The following ZNF462 variants were observed in gnomAD, a reference collection of about 807,000 sequenced individuals.
ZNF462 encodes the protein zinc finger protein 462.
Under a neutral mutation model 201.9 loss-of-function variants are expected in ZNF462, and 10 were observed. That is an observed-to-expected ratio of 0.05 (90% CI 0.03 to 0.08). The LOEUF (loss-of-function observed/expected upper bound fraction) is 0.08. Among genes scored for constraint, ZNF462 ranks in the 10% least tolerant of loss-of-function variants. ZNF462 has a pLI of 1.00. For synonymous variants in ZNF462, 1,227 were observed against 1,193.3 expected, an observed-to-expected ratio of 1.03 and a Z score of -0.58; for missense variants, 2,523 against 3,168.3, an observed-to-expected ratio of 0.80 and a Z score of 4.89.
rs1458439321 is a variant in ZNF462 at position 106,925,445 on chromosome 9, C to T, written c.1533C>T (p.Ser511=). The T allele has an allele frequency of 6.2e-7, 1 of 1,614,176 alleles. No homozygotes were observed. Among genetic ancestry groups the T allele is most frequent in the Non-Finnish European group, 8.5e-7 (1 of 1,180,040 alleles). ...ATTCCCAGAGTGAAAGCATTTCTTC[C>T]TCACTGAATGAAGGTGTGGTGTCTT... The part of the protein sequence containing the change: ...AVNSQSESIS[S]SLNEGVVSYE... The change falls in exon 3 of 13, where the codon TCC becomes TCT. Residue 511 remains serine (S), a synonymous_variant. Coordinates refer to ENST00000277225, the MANE Select transcript of ZNF462 (RefSeq NM_021224.6). The surrounding 1 kb of genome is among the most constrained non-coding windows in gnomAD (Gnocchi z 7.9).
At chr9:106,994,926 A>G (rs1828590089) in intron 10 of ZNF462, among the ~76,000 whole-genome samples, 1 of 152,128 alleles carries the variant, frequency 6.6e-6, no homozygotes, top group Non-Finnish European at 1.5e-5. Context: ...TCAAAATCTA[A>G]CCTAGTGCCC....
At chr9:106,983,790 C>A (rs1253807586) in intron 9 of ZNF462, among the ~76,000 whole-genome samples, 1 of 152,170 alleles carries the variant, frequency 6.6e-6, no homozygotes, top group Non-Finnish European at 1.5e-5. Flanking sequence ...AGTCCAGCCT[C>A]AGTTGCACTT....
chr9:106,868,974 C>A (rs887940292), intron 1 of ZNF462, among the ~76,000 whole-genome samples: 11 of 152,076 alleles, frequency 7.2e-5, no homozygotes, highest in African/African-American at 2.7e-4. Context: ...ATGTGACATT[C>A]AGTAAAGTGT....
Position 106,890,449 on chromosome 9 carries a change from G to C in ZNF462, c.-31+27094G>C, listed in dbSNP as rs190740134. On this transcript the variant is annotated intron_variant, in intron 1 of 12. Coordinates refer to ENST00000277225, the MANE Select transcript of ZNF462 (RefSeq NM_021224.6). This position sits in a 1 kb window ranked among gnomAD's most constrained non-coding sequence, Gnocchi z 4.2. Reference sequence around the variant, plus strand: ...TTGGGCATACAAAAATCTAGCACTTGAAGCCACTTAATCAAATATCATATC... The same window carrying C: ...TTGGGCATACAAAAATCTAGCACTTCAAGCCACTTAATCAAATATCATATC... Among the ~76,000 whole-genome samples, 132 of 152,296 alleles carry C rather than the reference G, an allele frequency of 8.7e-4. No individual in the cohort carries two copies. Among genetic ancestry groups the C allele is most frequent in the Non-Finnish European group, 1.7e-3 (114 of 68,024 alleles).
Position 106,938,771 on chromosome 9 carries a change from T to G in ZNF462, c.6236-145T>G. ...GAGTACTGTGGTTGTGGCAGGTTGT[T>G]GGTCTGTGAGGTTCGTTCATAGAAC... On this transcript the variant is annotated intron_variant, in intron 6 of 12. Transcript: ENST00000277225. The surrounding 1 kb of genome is among the most constrained non-coding windows in gnomAD (Gnocchi z 4.4). 1.3e-6 allele frequency: 1 copy of G among 744,334 alleles called. No homozygotes were observed. Among genetic ancestry groups the G allele is most frequent in the Admixed American group, 2.7e-5 (1 of 36,528 alleles). The allele number at this position is 744,334 out of a possible 1,614,324, so 46.1% of individuals were successfully genotyped here.
At chr9:106,946,705 G>A (rs532748380) in intron 7 of ZNF462, among the ~76,000 whole-genome samples, 105 of 151,092 alleles carry the variant, frequency 6.9e-4, no homozygotes, top group African/African-American at 2.5e-3. Flanking sequence ...GTTGTGGCTC[G>A]TGCCTGTAAT....
chr9:106,956,912 C>G (rs1168950159), intron 7 of ZNF462, among the ~76,000 whole-genome samples: 1 of 152,124 alleles, frequency 6.6e-6, no homozygotes, highest in Non-Finnish European at 1.5e-5. Context: ...AAGAGAATGT[C>G]GTGGCTGATT....
At chr9:106,906,213 TC>T (rs1829267766) in intron 1 of ZNF462, among the ~76,000 whole-genome samples, 2 of 152,340 alleles carry the variant, frequency 1.3e-5, no homozygotes, top group South Asian at 4.1e-4. Flanking sequence ...CTTTCCCATT[TC>T]TGCAGCTGGG....
intron 1 of ZNF462, among the ~76,000 whole-genome samples, chr9:106,908,910 CATATATATATATATATATATATAT>C (rs1192231869): frequency 9.8e-4 from 43 of 43,984 alleles, no homozygotes; most frequent in Non-Finnish European, 1.3e-3. Flanking sequence ...CCCATATATA[CATATATATATATATATATATATAT>C]ATATATATTT....
chr9:106,883,213 G>T lies in ZNF462; in HGVS notation c.-31+19858G>T, dbSNP rs770557568. ...CAGCTCATTAAGCAAGCTTTTGAAG[G>T]GTGTGCGCTGCAGAGCAGTTTCCTG... On this transcript the variant is annotated intron_variant, in intron 1 of 12. Coordinates refer to ENST00000277225, the MANE Select transcript of ZNF462 (RefSeq NM_021224.6). This position sits in a 1 kb window ranked among gnomAD's most constrained non-coding sequence, Gnocchi z 4.9. 3.9e-5 allele frequency among the ~76,000 whole-genome samples: 6 copies of T among 152,152 alleles called. No homozygotes were observed. Among genetic ancestry groups the T allele is most frequent in the Non-Finnish European group, 5.9e-5 (4 of 68,032 alleles).
intron 10 of ZNF462, among the ~76,000 whole-genome samples, chr9:106,988,979 C>T (rs1828062845): frequency 6.6e-6 from 1 of 152,068 alleles, no homozygotes; most frequent in African/African-American, 2.4e-5. Context: ...ATATCATCAG[C>T]AAACAATGAT....
chr9:106,923,594 G>T lies in ZNF462; in HGVS notation c.211G>T (p.Asp71Tyr). Reference protein sequence around the residue: ...SIKDEFAIAEDLSGQNATSLG... With the variant: ...SIKDEFAIAEYLSGQNATSLG... Reference sequence around the variant, plus strand: ...AAAGGATGAATTTGCCATTGCAGAAGATTTATCAGGTAAATCTATACTAAA... The same window carrying T: ...AAAGGATGAATTTGCCATTGCAGAATATTTATCAGGTAAATCTATACTAAA... Residue 71 changes from aspartate to tyrosine, a missense_variant, in exon 2 of 13, where the codon GAT becomes TAT. Around this residue, in one of 15 missense-constraint regions of ZNF462, gnomAD observed 480 missense variants for 544.4 expected, o/e 0.88. Coordinates refer to ENST00000277225, the MANE Select transcript of ZNF462 (RefSeq NM_021224.6). The surrounding 1 kb of genome is among the most constrained non-coding windows in gnomAD (Gnocchi z 5.6). 6.2e-7 allele frequency: 1 copy of T among 1,614,182 alleles called. No individual in the cohort carries two copies. The highest frequency in any genetic ancestry group is 8.5e-7 in the Non-Finnish European group (1 of 1,180,006).
At chr9:107,000,776 G>A (rs553659102) in intron 10 of ZNF462, among the ~76,000 whole-genome samples, 3 of 152,160 alleles carry the variant, frequency 2.0e-5, no homozygotes, top group East Asian at 3.9e-4. Context: ...TGATGGTGCT[G>A]GGAAAATGGA....
rs1254553414 is a variant in ZNF462, at chr9:106,902,101, T to C, written c.-30-21253T>C. ...ACATTAAGGTATGTCTCTCGTATGC[T>C]GATTTTGCCAAGCGTTTTAATCATA... On this transcript the variant is annotated intron_variant, in intron 1 of 12. Transcript: ENST00000277225. This position sits in a 1 kb window ranked among gnomAD's most constrained non-coding sequence, Gnocchi z 4.2. Among the ~76,000 whole-genome samples the C allele has an allele frequency of 1.3e-5, 2 of 152,002 alleles. No individual in the cohort carries two copies. Among genetic ancestry groups the C allele is most frequent in the Non-Finnish European group, 2.9e-5 (2 of 67,930 alleles).
rs1826865688 is a variant in ZNF462 at position 106,974,727 on chromosome 9, G to A, written c.6832+454G>A. 4.6e-6 allele frequency: 1 copy of A among 219,704 alleles called. No homozygotes were observed. Among genetic ancestry groups the A allele is most frequent in the East Asian group, 1.0e-4 (1 of 9,806 alleles). The allele number at this position is 219,704 out of a possible 1,614,324, so 13.6% of individuals were successfully genotyped here. A position where few individuals can be genotyped will look rare whatever the true frequency, so the allele number is the denominator to read the frequency against. On this transcript the variant is annotated intron_variant, in intron 9 of 12. Transcript: ENST00000277225. The surrounding 1 kb of genome is among the most constrained non-coding windows in gnomAD (Gnocchi z 4.0). ...GGAACTTCCCTTGAAATGGTTGAAG[G>A]GAGAGAGAATTCTTTAAAATAATGT...
At chr9:106,958,368 T>A (rs1463310462) in intron 7 of ZNF462, among the ~76,000 whole-genome samples, 4 of 152,068 alleles carry the variant, frequency 2.6e-5, no homozygotes, top group Non-Finnish European at 4.4e-5. Flanking sequence ...CATTGGGCCC[T>A]GCATTTCTCA....
rs1054624651 is a variant in ZNF462, at chr9:106,885,807, G to T, written c.-31+22452G>T. ...ATCTTGCACATGGGACTGATGTTGAGGACTGCTTGATGTTTTGGAGCCCAC... is the reference window on the plus strand; with the variant it reads ...ATCTTGCACATGGGACTGATGTTGATGACTGCTTGATGTTTTGGAGCCCAC... On this transcript the variant is annotated intron_variant, in intron 1 of 12. Transcript: ENST00000277225. This position sits in a 1 kb window ranked among gnomAD's most constrained non-coding sequence, Gnocchi z 4.1. Among the ~76,000 whole-genome samples the T allele has an allele frequency of 1.3e-5, 2 of 152,156 alleles. No individual in the cohort carries two copies. The highest frequency in any genetic ancestry group is 2.9e-5 in the Non-Finnish European group (2 of 68,038).
At chr9:106,953,166 C>G (rs943698875) in intron 7 of ZNF462, among the ~76,000 whole-genome samples, 1 of 152,220 alleles carries the variant, frequency 6.6e-6, no homozygotes, top group Non-Finnish European at 1.5e-5. Flanking sequence ...ACCACTCACT[C>G]TTTGCTTTTC....
At chr9:106,889,403 G>A (rs1412135872) in intron 1 of ZNF462, among the ~76,000 whole-genome samples, 3 of 152,184 alleles carry the variant, frequency 2.0e-5, no homozygotes, top group East Asian at 1.9e-4. Flanking sequence ...AAGTAATGCC[G>A]TGATGGGATG....
Sources: allele counts gnomAD v4.1 joint callset (sites outside exome capture counted in the v4.1 genomes callset), GRCh38; gene constraint gnomAD v4.1.1; regional missense constraint gnomAD v4.1.1; non-coding constraint Gnocchi (gnomAD v3.1); transcripts MANE v1.5; gene names NCBI Gene and HGNC (gene_info 2026-07-23, HGNC 2026-07-21).